The following PRKN variants were observed in gnomAD, a reference collection of about 807,000 sequenced individuals.
PRKN encodes the protein parkin RBR E3 ubiquitin protein ligase.
Under a neutral mutation model 59.5 loss-of-function variants are expected in PRKN, and 56 were observed. The observed-to-expected ratio is 0.94, with a 90% CI of 0.76 to 1.18. The LOEUF (loss-of-function observed/expected upper bound fraction) is 1.18, where lower values mean the gene tolerates loss of function less well. Among genes scored for constraint, PRKN ranks in the 50% most tolerant of loss-of-function variants. The pLI is 0.00. For synonymous variants in PRKN, 250 were observed against 222.1 expected (o/e 1.13, Z -1.12); for missense variants, 657 against 596.4 (o/e 1.10, Z -1.06).
chr6:161,723,557 TG>T (rs954390383), intron 7 of PRKN, among the ~76,000 whole-genome samples: 15 of 152,048 alleles, frequency 9.9e-5, no homozygotes, highest in African/African-American at 3.6e-4. Context: ...GCAGGGTCCA[TG>T]GGCAGCCCTA....
intron 2 of PRKN, among the ~76,000 whole-genome samples, chr6:162,381,524 G>A (rs914193778): frequency 9.2e-5 from 14 of 152,068 alleles, no homozygotes; most frequent in African/African-American, 3.1e-4. Flanking sequence ...TATAATTACA[G>A]TAGCTTAAAA....
chr6:162,300,762 A>G (rs1050317033), intron 2 of PRKN, among the ~76,000 whole-genome samples: 1 of 152,258 alleles, frequency 6.6e-6, no homozygotes, highest in South Asian at 2.1e-4. Flanking sequence ...ATTGCACCAA[A>G]GCTTGAGGTC....
At chr6:162,417,360 C>T (rs551788265) in intron 2 of PRKN, among the ~76,000 whole-genome samples, 1 of 152,158 alleles carries the variant, frequency 6.6e-6, no homozygotes, top group African/African-American at 2.4e-5. Context: ...GCCTTTCCTG[C>T]CCCCGGCAGC....
chr6:162,705,647 T>C (rs1302642510), intron 1 of PRKN, among the ~76,000 whole-genome samples: 1 of 152,202 alleles, frequency 6.6e-6, no homozygotes, highest in African/African-American at 2.4e-5. Flanking sequence ...ATGCATTTAA[T>C]AGCTCATAAA....
intron 1 of PRKN, among the ~76,000 whole-genome samples, chr6:162,689,334 T>C (rs1777684555): frequency 6.6e-6 from 1 of 152,116 alleles, no homozygotes; most frequent in East Asian, 1.9e-4. Context: ...TTGTGAACAC[T>C]GAAGATCTGT....
At chr6:162,293,143 G>C (rs959543092) in intron 2 of PRKN, among the ~76,000 whole-genome samples, 11 of 152,118 alleles carry the variant, frequency 7.2e-5, no homozygotes, top group Non-Finnish European at 1.5e-4. Flanking sequence ...AAAGAAAATT[G>C]ATTCCACAAC....
chr6:161,990,292 C>T (rs763638775), intron 5 of PRKN, among the ~76,000 whole-genome samples: 2 of 152,202 alleles, frequency 1.3e-5, no homozygotes, highest in Non-Finnish European at 2.9e-5. Flanking sequence ...CTGATTACAG[C>T]TGAAGAAATC....
intron 4 of PRKN, among the ~76,000 whole-genome samples, chr6:162,111,730 T>C (rs773696410): frequency 5.3e-5 from 8 of 152,142 alleles, no homozygotes; most frequent in African/African-American, 1.2e-4. Context: ...GGAGAAAAAT[T>C]TTCCTGGAGA....
Position 161,457,085 on chromosome 6 carries a change from G to A in PRKN, c.1084-70208C>T, listed in dbSNP as rs1214088427. Among the ~76,000 whole-genome samples the A allele has an allele frequency of 1.3e-5, 2 of 152,178 alleles. No individual in the cohort carries two copies. The highest frequency in any genetic ancestry group is 2.9e-5 in the Non-Finnish European group (2 of 68,034). ...CTCCTTTAACAAATATCCACTGAGCGTCTTCGCTACGCAAGGCTCTCTTCC... is the reference window on the plus strand; with the variant it reads ...CTCCTTTAACAAATATCCACTGAGCATCTTCGCTACGCAAGGCTCTCTTCC... On this transcript the variant is annotated intron_variant, in intron 9 of 11. Coordinates refer to ENST00000366898, the MANE Select transcript of PRKN (RefSeq NM_004562.3). This position sits in a 1 kb window ranked among gnomAD's most constrained non-coding sequence, Gnocchi z 5.0.
At chr6:162,476,946 G>C (rs1792054001) in intron 1 of PRKN, among the ~76,000 whole-genome samples, 1 of 152,074 alleles carries the variant, frequency 6.6e-6, no homozygotes, top group African/African-American at 2.4e-5. Context: ...CTGAAATCCT[G>C]CCTGTGGTGT....
At chr6:162,671,434 G>T (rs1225989221) in intron 1 of PRKN, among the ~76,000 whole-genome samples, 4 of 150,890 alleles carry the variant, frequency 2.7e-5, no homozygotes, top group Non-Finnish European at 4.4e-5. Flanking sequence ...GGAAGGCGGA[G>T]GATGCAGTGA....
intron 2 of PRKN, among the ~76,000 whole-genome samples, chr6:162,427,644 G>GTTTTT (rs1219394770): frequency 8.3e-5 from 12 of 144,272 alleles, no homozygotes; most frequent in Admixed American, 1.4e-4. Flanking sequence ...GTAAATAAAT[G>GTTTTT]TTTTTTTTTC....
intron 6 of PRKN, among the ~76,000 whole-genome samples, chr6:161,905,204 A>G (rs1396165539): frequency 2.0e-5 from 3 of 152,280 alleles, no homozygotes; most frequent in East Asian, 1.9e-4. Context: ...CCATGATTAC[A>G]TGCCTTGCCT....
At chr6:162,081,545 T>A (rs1012104999) in intron 4 of PRKN, among the ~76,000 whole-genome samples, 3 of 152,116 alleles carry the variant, frequency 2.0e-5, no homozygotes, top group Admixed American at 1.3e-4. Flanking sequence ...ACAGTGACCT[T>A]AAAATATCCA....
chr6:161,857,625 A>T (rs1482980883), intron 6 of PRKN, among the ~76,000 whole-genome samples: 2 of 152,256 alleles, frequency 1.3e-5, no homozygotes, highest in Admixed American at 6.5e-5. Context: ...GTTTGCTTTT[A>T]AAATGTTGAG....
chr6:161,918,754 T>G (rs560707650), intron 6 of PRKN, among the ~76,000 whole-genome samples: 1 of 152,266 alleles, frequency 6.6e-6, no homozygotes, highest in South Asian at 2.1e-4. Context: ...AGGCAAAAGC[T>G]TTGAATAGAC....
In PRKN at chr6:162,668,454, C is replaced by T. The variant is rs898784011; in HGVS notation, c.7+59208G>A. Among the ~76,000 whole-genome samples, 4 of 152,190 alleles carry T rather than the reference C, an allele frequency of 2.6e-5. No individual in the cohort carries two copies. In the East Asian group the frequency reaches 5.8e-4, roughly 22 times the overall value. ...CAGCAATGGCAAGAAAGGCTGTGGA[C>T]AGAGGACCTGGGCTATGGCTAGAAG... On this transcript the variant is annotated intron_variant, in intron 1 of 11. Coordinates refer to ENST00000366898, the MANE Select transcript of PRKN (RefSeq NM_004562.3).
At chr6:162,569,116 G>T in intron 1 of PRKN, 1 of 649,954 alleles carries the variant, frequency 1.5e-6, no homozygotes, top group Non-Finnish European at 2.8e-6. Context: ...AGTATGAGGA[G>T]ATCACCCAAC....
At chr6:161,564,658 C>G (rs1163122983) in intron 8 of PRKN, among the ~76,000 whole-genome samples, 1 of 152,200 alleles carries the variant, frequency 6.6e-6, no homozygotes, top group Non-Finnish European at 1.5e-5. Flanking sequence ...AGCCCTCCAA[C>G]TTTCCATTTC....
Sources: gnomAD v4.1 joint callset for allele counts (sites outside exome capture counted in the v4.1 genomes callset) on GRCh38, gnomAD v4.1.1 for gene constraint, Gnocchi (gnomAD v3.1) non-coding constraint, MANE v1.5 for transcripts, NCBI Gene and HGNC (gene_info 2026-07-23, HGNC 2026-07-21) for gene names.